Variants in SLC24A3 observed in about 807,000 individuals in gnomAD.
SLC24A3 encodes the protein solute carrier family 24 member 3.
In SLC24A3, 28 loss-of-function variants were observed where a neutral mutation model predicts 75.8. The observed-to-expected ratio is 0.37, with a 90% CI of 0.27 to 0.51. The LOEUF (loss-of-function observed/expected upper bound fraction) is 0.51. SLC24A3 is among the 20% of genes least tolerant of loss of function. The pLI is 0.94. For synonymous variants in SLC24A3, 372 were observed against 334.1 expected (o/e 1.11, Z -1.24); for missense variants, 663 against 847.8 (o/e 0.78, Z 2.71).
chr20:19,278,062 G>A (rs970512917), intron 1 of SLC24A3, among the ~76,000 whole-genome samples: 1 of 152,222 alleles, frequency 6.6e-6, no homozygotes, highest in Non-Finnish European at 1.5e-5. Context: ...TTCAATGCCA[G>A]CTGGCACAGT....
At chr20:19,655,917 T>C (rs1465953301) in intron 7 of SLC24A3, among the ~76,000 whole-genome samples, 2 of 152,122 alleles carry the variant, frequency 1.3e-5, no homozygotes, top group Non-Finnish European at 2.9e-5. Flanking sequence ...TATATATATA[T>C]ATCTTTTGTT....
chr20:19,242,026 A>G (rs1328728421), intron 1 of SLC24A3, among the ~76,000 whole-genome samples: 2 of 152,184 alleles, frequency 1.3e-5, no homozygotes, highest in Non-Finnish European at 2.9e-5. Context: ...GGTGCTTTGG[A>G]AAAAGTGACT....
intron 6 of SLC24A3, 50 bp downstream of exon 6, chr20:19,585,594 G>A (rs1180248858): frequency 9.7e-6 from 15 of 1,554,378 alleles, no homozygotes; most frequent in Admixed American, 3.4e-5. Context: ...TTGGGGAAAG[G>A]GGAGGCATGG....
chr20:19,532,871 C>T (rs1475466737), intron 3 of SLC24A3, among the ~76,000 whole-genome samples: 1 of 152,200 alleles, frequency 6.6e-6, no homozygotes, highest in Non-Finnish European at 1.5e-5. Context: ...ACATTGGCAG[C>T]CCCCTGATTG....
intron 2 of SLC24A3, among the ~76,000 whole-genome samples, chr20:19,288,394 AT>A (rs1568579624): frequency 1.3e-5 from 2 of 152,158 alleles, no homozygotes; most frequent in African/African-American, 4.8e-5. Flanking sequence ...CCTTTAGGGC[AT>A]TTTTATTGAG....
At chr20:19,488,506 T>G (rs3790228) in intron 2 of SLC24A3, among the ~76,000 whole-genome samples, 39,623 of 151,986 alleles carry the variant, frequency 0.26, 5,668 homozygotes, top group East Asian at 0.5. Flanking sequence ...CCCAGCTCCA[T>G]CCAGCCTAAC....
At chr20:19,374,303 C>T (rs1279341931) in intron 2 of SLC24A3, among the ~76,000 whole-genome samples, 4 of 152,210 alleles carry the variant, frequency 2.6e-5, no homozygotes, top group Admixed American at 6.5e-5. Context: ...TCTTTCTGGT[C>T]TTGCATGAGT....
rs565778753 is a variant in SLC24A3 at position 19,625,928 on chromosome 20, C to T, written c.613-28134C>T. Among the ~76,000 whole-genome samples the T allele has an allele frequency of 1.2e-4, 18 of 152,214 alleles. No homozygotes were observed. In the East Asian group the frequency reaches 3.5e-3, roughly 29 times the overall value. On this transcript the variant is annotated intron_variant, in intron 6 of 16. Coordinates refer to ENST00000328041, the MANE Select transcript of SLC24A3 (RefSeq NM_020689.4). ...ATTGTAAATCTATTCATCTGATTCA[C>T]GTTTCTTTTGGATTGTTCCTTTCTC...
chr20:19,567,884 C>T (rs1049921123), intron 3 of SLC24A3, among the ~76,000 whole-genome samples: 1 of 152,116 alleles, frequency 6.6e-6, no homozygotes, highest in African/African-American at 2.4e-5. Context: ...AATCGTATAT[C>T]TGATAAGGGG....
intron 2 of SLC24A3, chr20:19,355,280 C>T (rs1207166336): frequency 6.6e-6 from 1 of 152,170 alleles, no homozygotes; most frequent in East Asian, 1.9e-4. Flanking sequence ...TCCACTAGCT[C>T]GGTTCTTATG....
At chr20:19,501,910 C>T (rs973451598) in intron 2 of SLC24A3, among the ~76,000 whole-genome samples, 1 of 152,146 alleles carries the variant, frequency 6.6e-6, no homozygotes, top group East Asian at 1.9e-4. Flanking sequence ...CCAGGCCACA[C>T]CGTGACTCCA....
At chr20:19,691,865 G>T (rs1184326501) in intron 12 of SLC24A3, among the ~76,000 whole-genome samples, 1 of 152,146 alleles carries the variant, frequency 6.6e-6, no homozygotes, top group Non-Finnish European at 1.5e-5. Flanking sequence ...CACAGATGAA[G>T]AAACTGAGGT....
intron 9 of SLC24A3, among the ~76,000 whole-genome samples, chr20:19,678,776 A>G (rs1221238556): frequency 7.3e-6 from 1 of 137,634 alleles, no homozygotes; most frequent in Non-Finnish European, 1.5e-5. Flanking sequence ...GGGGCTCCTC[A>G]CTTCTCAGAC....
intron 1 of SLC24A3, among the ~76,000 whole-genome samples, chr20:19,245,881 G>A (rs1982472199): frequency 6.6e-6 from 1 of 151,992 alleles, no homozygotes; most frequent in Admixed American, 6.5e-5. Flanking sequence ...TTTTTAAAAT[G>A]ACAAATTTAT....
intron 2 of SLC24A3, among the ~76,000 whole-genome samples, chr20:19,379,237 C>T (rs891727567): frequency 6.6e-6 from 1 of 152,150 alleles, no homozygotes. Flanking sequence ...AGAGCCTCCC[C>T]TAAGTCTGGC....
At chr20:19,494,125 G>A (rs1343075566) in intron 2 of SLC24A3, among the ~76,000 whole-genome samples, 4 of 156 alleles carry the variant, frequency 0.026, no homozygotes, top group African/African-American at 0.045. Context: ...GCTCAGCCTC[G>A]GCCACCAGGC....
At chr20:19,467,010 G>T (rs1373402214) in intron 2 of SLC24A3, among the ~76,000 whole-genome samples, 1 of 152,170 alleles carries the variant, frequency 6.6e-6, no homozygotes. Context: ...ACAAATAATC[G>T]AGGTAATGAC....
At chr20:19,650,878 T>C (rs2032195108) in intron 6 of SLC24A3, among the ~76,000 whole-genome samples, 8 of 152,210 alleles carry the variant, frequency 5.3e-5, no homozygotes, top group Admixed American at 5.2e-4. Context: ...CAATCTTCTT[T>C]CTGTACGTTC....
intron 1 of SLC24A3, among the ~76,000 whole-genome samples, chr20:19,272,356 CG>C (rs1427070233): frequency 9.9e-5 from 15 of 152,162 alleles, no homozygotes; most frequent in Non-Finnish European, 2.2e-4. Context: ...TGCACTGTGC[CG>C]GGAACTTTGA....
Sources: allele counts gnomAD v4.1 joint callset (sites outside exome capture counted in the v4.1 genomes callset), GRCh38; gene constraint gnomAD v4.1.1; transcripts MANE v1.5; gene names NCBI Gene and HGNC (gene_info 2026-07-23, HGNC 2026-07-21).